The following CHST9 variants were observed in gnomAD, a reference collection of about 807,000 sequenced individuals.
CHST9 encodes GalNAc-4-sulfotransferase 2.
A neutral mutation model predicts 44.4 loss-of-function variants in CHST9; 41 were observed. The ratio of observed to expected loss-of-function variants is 0.92; its 90% CI spans 0.72 to 1.20. The LOEUF (loss-of-function observed/expected upper bound fraction) is 1.20, where lower values mean the gene tolerates loss of function less well. Ranked by LOEUF, CHST9 falls within the 50% of genes most tolerant of loss-of-function variation. CHST9 has a pLI of 0.00. For missense variants in CHST9, 504 were observed against 516.5 expected (o/e 0.98, Z 0.23); for synonymous variants, 171 against 178.4 (o/e 0.96, Z 0.33).
At chr18:27,060,578 T>A (rs2057710257) in intron 2 of CHST9, among the ~76,000 whole-genome samples, 1 of 152,140 alleles carries the variant, frequency 6.6e-6, no homozygotes, top group Non-Finnish European at 1.5e-5. Context: ...TGCACAAGAC[T>A]AAGAATTTGG....
chr18:26,955,988 C>T (rs2056317032), intron 4 of CHST9, among the ~76,000 whole-genome samples: 1 of 151,924 alleles, frequency 6.6e-6, no homozygotes, highest in African/African-American at 2.4e-5. Context: ...TAGTAAAATT[C>T]CAATAAATTA....
At chr18:26,960,001 G>A (rs1017758473) in intron 4 of CHST9, among the ~76,000 whole-genome samples, 1 of 152,158 alleles carries the variant, frequency 6.6e-6, no homozygotes, top group African/African-American at 2.4e-5. Context: ...TTTAAGCTTG[G>A]TTACTTGGGA....
At chr18:27,018,843 C>T (rs185942357) in intron 4 of CHST9, among the ~76,000 whole-genome samples, 45 of 152,248 alleles carry the variant, frequency 3.0e-4, no homozygotes, top group African/African-American at 8.4e-4. Flanking sequence ...GGAGAGAGAG[C>T]AGGAGAATGG....
chr18:27,146,631 C>A (rs1325078091), intron 1 of CHST9, among the ~76,000 whole-genome samples: 1 of 152,154 alleles, frequency 6.6e-6, no homozygotes, highest in Non-Finnish European at 1.5e-5. Flanking sequence ...TTTTGTACAA[C>A]TCCTTCTTCT....
intron 1 of CHST9, among the ~76,000 whole-genome samples, chr18:27,158,457 G>A (rs1231367941): frequency 6.6e-6 from 1 of 150,948 alleles, no homozygotes; most frequent in Non-Finnish European, 1.5e-5. Flanking sequence ...TGGCTGCATA[G>A]TATTCCATGG....
At chr18:27,058,780 G>A (rs1437115016) in intron 2 of CHST9, among the ~76,000 whole-genome samples, 1 of 152,154 alleles carries the variant, frequency 6.6e-6, no homozygotes, top group Admixed American at 6.5e-5. Flanking sequence ...ATGTGGATTT[G>A]AGACAAACTG....
At chr18:26,950,578 G>T (rs916107732) in intron 4 of CHST9, among the ~76,000 whole-genome samples, 4 of 152,162 alleles carry the variant, frequency 2.6e-5, no homozygotes, top group African/African-American at 9.7e-5. Context: ...GCAACAACTT[G>T]GATGGAGCTA....
At chr18:27,144,033 T>C (rs1281928761) in intron 1 of CHST9, among the ~76,000 whole-genome samples, 1 of 152,158 alleles carries the variant, frequency 6.6e-6, no homozygotes, top group Non-Finnish European at 1.5e-5. Flanking sequence ...CACACAAGTA[T>C]GCAGTAAGCC....
intron 4 of CHST9, among the ~76,000 whole-genome samples, chr18:26,982,567 A>G (rs1452644847): frequency 2.0e-5 from 3 of 152,118 alleles, no homozygotes; most frequent in Non-Finnish European, 4.4e-5. Context: ...CTTACTGGGG[A>G]CGGGGGACAC....
chr18:26,987,483 T>TA (rs1344877582), intron 4 of CHST9, among the ~76,000 whole-genome samples: 1 of 152,174 alleles, frequency 6.6e-6, no homozygotes, highest in Non-Finnish European at 1.5e-5. Flanking sequence ...AAAAAGTTGT[T>TA]TAAACCTTTT....
chr18:27,116,052 A>G (rs962148142), intron 2 of CHST9, among the ~76,000 whole-genome samples: 3 of 152,188 alleles, frequency 2.0e-5, no homozygotes, highest in Admixed American at 2.0e-4. Context: ...CTTATCAAGT[A>G]TATAATTTGC....
At chr18:27,048,910 T>A (rs2057534916) in intron 2 of CHST9, among the ~76,000 whole-genome samples, 1 of 152,138 alleles carries the variant, frequency 6.6e-6, no homozygotes, top group Non-Finnish European at 1.5e-5. Flanking sequence ...TAGTGTAGAA[T>A]GTTTAAAGAT....
intron 4 of CHST9, among the ~76,000 whole-genome samples, chr18:27,004,789 C>T (rs756639736): frequency 6.6e-6 from 1 of 152,110 alleles, no homozygotes; most frequent in Non-Finnish European, 1.5e-5. Context: ...TTGAGCAGGT[C>T]TAGGACACCA....
chr18:27,098,731 C>G lies in CHST9; in HGVS notation c.121+43958G>C, dbSNP rs2058142237. ...AAAACCAAACACTGCCTGTTCTCAC[C>G]CATAAGTGGGAGTACAAAGTGGCTG... On this transcript the variant is annotated intron_variant, in intron 2 of 5. Transcript: ENST00000618847. Among the ~76,000 whole-genome samples the G allele has an allele frequency of 2.0e-5, 3 of 151,822 alleles. No individual in the cohort carries two copies. The South Asian group carries it at 6.2e-4, about 32-fold the overall frequency.
intron 1 of CHST9, among the ~76,000 whole-genome samples, chr18:27,175,431 G>A (rs1354407690): frequency 1.3e-5 from 2 of 151,974 alleles, no homozygotes; most frequent in Non-Finnish European, 2.9e-5. Flanking sequence ...GCATGCCTGG[G>A]CATTTATTTA....
At chr18:27,121,054 T>G (rs1386599879) in intron 2 of CHST9, among the ~76,000 whole-genome samples, 2 of 152,202 alleles carry the variant, frequency 1.3e-5, no homozygotes, top group Non-Finnish European at 1.5e-5. Context: ...CAGGCTGAAG[T>G]GCAGTGGCAC....
Position 27,068,465 on chromosome 18 carries a change from T to A in CHST9, c.122-19962A>T, listed in dbSNP as rs189479627. 8.5e-5 allele frequency among the ~76,000 whole-genome samples: 13 copies of A among 152,338 alleles called. No individual in the cohort carries two copies. The East Asian group carries it at 2.3e-3, about 27-fold the overall frequency. ...TCCCTTCAAATAATTCATATCATTA[T>A]ATAAGTTTAAATCTTTGAATTATCC... On this transcript the variant is annotated intron_variant, in intron 2 of 5. Transcript: ENST00000618847.
chr18:27,142,404 C>A (rs549805456), intron 2 of CHST9, among the ~76,000 whole-genome samples: 1 of 152,142 alleles, frequency 6.6e-6, no homozygotes, highest in Non-Finnish European at 1.5e-5. Context: ...AAATGCTATA[C>A]TTTTGGAGAC....
chr18:27,109,123 A>C (rs2058247430), intron 2 of CHST9, among the ~76,000 whole-genome samples: 2 of 152,222 alleles, frequency 1.3e-5, no homozygotes, highest in Admixed American at 1.3e-4. Flanking sequence ...TTGTGTTTCT[A>C]ACAAATCCCA....
Sources: gnomAD v4.1 joint callset for allele counts (sites outside exome capture counted in the v4.1 genomes callset) on GRCh38, gnomAD v4.1.1 for gene constraint, MANE v1.5 for transcripts, NCBI Gene and HGNC (gene_info 2026-07-23, HGNC 2026-07-21) for gene names.